The following ROBO1 variants were observed in gnomAD, a reference collection of about 807,000 sequenced individuals.
The protein encoded by ROBO1 is roundabout guidance receptor 1.
A neutral mutation model predicts 195.9 loss-of-function variants in ROBO1; 149 were observed. The ratio of observed to expected loss-of-function variants is 0.76; its 90% CI spans 0.67 to 0.87. The LOEUF (loss-of-function observed/expected upper bound fraction) is 0.87, where lower values mean the gene tolerates loss of function less well. Ranked by LOEUF, ROBO1 falls within the 40% of genes least tolerant of loss-of-function variation. The probability of loss-of-function intolerance (pLI) is 0.00; values close to 1 mark genes in which losing one functional copy is unlikely to be tolerated. For synonymous variants in ROBO1, 816 were observed against 733.2 expected (o/e 1.11, Z -1.82); for missense variants, 1,933 against 2,068.3 (o/e 0.93, Z 1.27).
chr3:79,046,385 C>T (rs189497278), intron 3 of ROBO1, among the ~76,000 whole-genome samples: 7 of 151,826 alleles, frequency 4.6e-5, no homozygotes, highest in African/African-American at 1.7e-4. Context: ...GTGAGAGACC[C>T]GGAGTTAAAG....
chr3:79,654,126 T>C (rs1052704171), intron 1 of ROBO1, among the ~76,000 whole-genome samples: 2 of 152,010 alleles, frequency 1.3e-5, no homozygotes, highest in African/African-American at 4.8e-5. Flanking sequence ...ATTACAAGGA[T>C]AGATATATTA....
At chr3:79,505,265 T>C (rs1261797029) in intron 2 of ROBO1, among the ~76,000 whole-genome samples, 1 of 151,638 alleles carries the variant, frequency 6.6e-6, no homozygotes, top group Non-Finnish European at 1.5e-5. Flanking sequence ...CCATTTTCAG[T>C]CTTCCAGCGA....
At chr3:79,083,002 T>A (rs1033104079) in intron 3 of ROBO1, among the ~76,000 whole-genome samples, 1 of 152,160 alleles carries the variant, frequency 6.6e-6, no homozygotes, top group Non-Finnish European at 1.5e-5. Flanking sequence ...AATTGGGAAA[T>A]GGCTCTAGTT....
At chr3:78,658,571 A>G (rs1482492025) in intron 17 of ROBO1, among the ~76,000 whole-genome samples, 1 of 152,168 alleles carries the variant, frequency 6.6e-6, no homozygotes, top group East Asian at 1.9e-4. Flanking sequence ...CGTGAGCCAC[A>G]GCGCCCAACT....
intron 3 of ROBO1, among the ~76,000 whole-genome samples, chr3:79,052,203 A>T (rs1400282503): frequency 6.6e-6 from 1 of 151,982 alleles, no homozygotes; most frequent in Non-Finnish European, 1.5e-5. Context: ...TCCCAAGGGG[A>T]GGTCTCTAAA....
At chr3:78,679,163 A>G (rs2080821799) in intron 10 of ROBO1, among the ~76,000 whole-genome samples, 1 of 152,130 alleles carries the variant, frequency 6.6e-6, no homozygotes, top group South Asian at 2.1e-4. Flanking sequence ...TTAGGTATTG[A>G]TGGGACGTAT....
chr3:78,723,536 T>C (rs959813916), intron 5 of ROBO1, among the ~76,000 whole-genome samples: 3 of 152,194 alleles, frequency 2.0e-5, no homozygotes, highest in Non-Finnish European at 2.9e-5. Context: ...TTTTAGGCTT[T>C]ATAGATCATT....
At chr3:79,678,889 C>T (rs1265760914) in intron 1 of ROBO1, among the ~76,000 whole-genome samples, 1 of 152,008 alleles carries the variant, frequency 6.6e-6, no homozygotes, top group African/African-American at 2.4e-5. Context: ...ATTTAACACA[C>T]CTCTGTATAT....
intron 5 of ROBO1, among the ~76,000 whole-genome samples, chr3:78,719,668 A>G (rs1354914906): frequency 2.0e-5 from 3 of 152,210 alleles, no homozygotes; most frequent in South Asian, 2.1e-4. Flanking sequence ...ACAGATCCTC[A>G]GCATCAATTT....
intron 3 of ROBO1, among the ~76,000 whole-genome samples, chr3:78,988,693 T>A (rs2108040734): frequency 6.6e-6 from 1 of 152,328 alleles, no homozygotes; most frequent in Non-Finnish European, 1.5e-5. Context: ...GTTTTGTAAT[T>A]GTTACAAGGT....
At chr3:78,728,420 C>A (rs1231998713) in intron 5 of ROBO1, among the ~76,000 whole-genome samples, 2 of 148,920 alleles carry the variant, frequency 1.3e-5, no homozygotes, top group East Asian at 2.0e-4. Flanking sequence ...AGATTGTATA[C>A]CAATATTCAT....
intron 3 of ROBO1, among the ~76,000 whole-genome samples, chr3:78,973,464 A>C (rs891519415): frequency 6.8e-6 from 1 of 146,566 alleles, no homozygotes; most frequent in Admixed American, 6.9e-5. Context: ...CTATATATAT[A>C]AGAAGCTATA....
At chr3:78,964,197 T>C (rs1560057422) in intron 3 of ROBO1, among the ~76,000 whole-genome samples, 2 of 152,164 alleles carry the variant, frequency 1.3e-5, no homozygotes, top group African/African-American at 4.8e-5. Context: ...GACACAGCCA[T>C]ATTGGATTAG....
At chr3:78,699,515 G>A (rs1172380745) in intron 8 of ROBO1, among the ~76,000 whole-genome samples, 1 of 150,822 alleles carries the variant, frequency 6.6e-6, no homozygotes, top group Non-Finnish European at 1.5e-5. Context: ...GTTGCAGTGA[G>A]TCAAGATCAC....
chr3:78,771,488 G>C (rs1206549041), intron 4 of ROBO1, among the ~76,000 whole-genome samples: 2 of 152,166 alleles, frequency 1.3e-5, no homozygotes, highest in Non-Finnish European at 2.9e-5. Context: ...CTTTGGGGCA[G>C]TATGGCCACT....
chr3:79,547,987 A>G (rs987546562), intron 2 of ROBO1, among the ~76,000 whole-genome samples: 3 of 152,276 alleles, frequency 2.0e-5, no homozygotes, highest in East Asian at 1.9e-4. Context: ...AATGCATGGC[A>G]GTTTTACTGA....
intron 3 of ROBO1, among the ~76,000 whole-genome samples, chr3:78,963,585 C>G (rs1560056467): frequency 8.2e-6 from 1 of 121,752 alleles, no homozygotes; most frequent in Non-Finnish European, 1.6e-5. Flanking sequence ...GTGGCGCGAT[C>G]TCGGCTCACT....
chr3:79,669,116 G>C (rs1249373536), intron 1 of ROBO1, among the ~76,000 whole-genome samples: 1 of 151,884 alleles, frequency 6.6e-6, no homozygotes, highest in East Asian at 1.9e-4. Context: ...TTGTGGGAAA[G>C]ACCCAGTGGA....
At chr3:79,732,173 C>A (rs1703178664) in intron 1 of ROBO1, among the ~76,000 whole-genome samples, 1 of 151,256 alleles carries the variant, frequency 6.6e-6, no homozygotes, top group Admixed American at 6.6e-5. Flanking sequence ...GTAAACATAC[C>A]TAAACATAAA....
Sources: allele counts gnomAD v4.1 joint callset (sites outside exome capture counted in the v4.1 genomes callset), GRCh38; gene constraint gnomAD v4.1.1; transcripts MANE v1.5; gene names NCBI Gene and HGNC (gene_info 2026-07-23, HGNC 2026-07-21).